Variants in MAGI1 observed in about 807,000 individuals in gnomAD.
MAGI1 encodes the protein membrane-associated guanylate kinase, WW and PDZ domain-containing protein 1.
MAGI1 carries 58 observed loss-of-function variants against 139.9 expected under a neutral mutation model. The observed-to-expected ratio is 0.41, with a 90% CI of 0.34 to 0.52. The LOEUF (loss-of-function observed/expected upper bound fraction) is 0.52, where lower values mean the gene tolerates loss of function less well. Ranked by LOEUF, MAGI1 falls within the 20% of genes least tolerant of loss-of-function variation. The probability of loss-of-function intolerance (pLI) is 0.12; values close to 1 mark genes in which losing one functional copy is unlikely to be tolerated. For missense variants in MAGI1, 1,874 were observed against 1,901.6 expected (o/e 0.99, Z 0.27); for synonymous variants, 812 against 737.9 (o/e 1.10, Z -1.63).
At chr3:65,615,875 T>C (rs1035832566) in intron 2 of MAGI1, among the ~76,000 whole-genome samples, 2 of 152,204 alleles carry the variant, frequency 1.3e-5, no homozygotes. Context: ...GGAAACCACG[T>C]ACAAGCAGTG....
At chr3:65,983,076 TG>T (rs2065673565) in intron 1 of MAGI1, among the ~76,000 whole-genome samples, 1 of 152,150 alleles carries the variant, frequency 6.6e-6, no homozygotes, top group South Asian at 2.1e-4. Context: ...CATGCTGCCA[TG>T]CCCAGGTTAT....
intron 3 of MAGI1, among the ~76,000 whole-genome samples, chr3:65,480,968 C>A (rs952880737): frequency 3.3e-5 from 5 of 152,110 alleles, no homozygotes; most frequent in African/African-American, 9.7e-5. Context: ...TAGAGATACA[C>A]ACCCACTTTC....
At chr3:65,684,138 G>T (rs375358555) in intron 1 of MAGI1, among the ~76,000 whole-genome samples, 7 of 139,712 alleles carry the variant, frequency 5.0e-5, no homozygotes, top group African/African-American at 1.9e-4. Flanking sequence ...CATGCCGCTG[G>T]ATTCCAGCCT....
intron 1 of MAGI1, among the ~76,000 whole-genome samples, chr3:65,823,525 A>G (rs2042057801): frequency 6.6e-6 from 1 of 152,216 alleles, no homozygotes; most frequent in Admixed American, 6.5e-5. Flanking sequence ...ATAAAGCTAT[A>G]TAAAGCCTTC....
At chr3:65,885,139 C>A (rs902744001) in intron 1 of MAGI1, among the ~76,000 whole-genome samples, 2 of 152,144 alleles carry the variant, frequency 1.3e-5, no homozygotes, top group Non-Finnish European at 1.5e-5. Context: ...CAGCTCACAT[C>A]TGTAATCCCA....
At chr3:65,564,949 A>G (rs1403096198) in intron 2 of MAGI1, among the ~76,000 whole-genome samples, 1 of 152,200 alleles carries the variant, frequency 6.6e-6, no homozygotes, top group Non-Finnish European at 1.5e-5. Context: ...CCATCTCCTG[A>G]ATACTCTTAC....
At chr3:65,563,540 A>T (rs1042937079) in intron 2 of MAGI1, among the ~76,000 whole-genome samples, 1 of 152,212 alleles carries the variant, frequency 6.6e-6, no homozygotes, top group Non-Finnish European at 1.5e-5. Flanking sequence ...CCATGCCATG[A>T]GATCCCTCAA....
chr3:65,394,053 T>C (rs1944171602), intron 13 of MAGI1, among the ~76,000 whole-genome samples: 1 of 152,160 alleles, frequency 6.6e-6, no homozygotes, highest in Admixed American at 6.5e-5. Flanking sequence ...TACCTGTACA[T>C]GCATGTGCAG....
At chr3:65,924,230 T>A (rs2062380880) in intron 1 of MAGI1, among the ~76,000 whole-genome samples, 1 of 152,228 alleles carries the variant, frequency 6.6e-6, no homozygotes, top group Non-Finnish European at 1.5e-5. Context: ...GCTGTTTCAC[T>A]GGACTAAAGT....
intron 1 of MAGI1, among the ~76,000 whole-genome samples, chr3:65,791,029 C>T (rs1409519303): frequency 3.9e-5 from 6 of 151,930 alleles, no homozygotes; most frequent in Admixed American, 3.3e-4. Context: ...AAGCCAAGGT[C>T]GCATCACTGC....
intron 1 of MAGI1, among the ~76,000 whole-genome samples, chr3:66,036,696 G>C (rs2107617353): frequency 6.6e-6 from 1 of 152,338 alleles, no homozygotes; most frequent in African/African-American, 2.4e-5. Context: ...GAGAGGACCA[G>C]CTAGGCCCAG....
chr3:65,923,309 T>A (rs1260724042), intron 1 of MAGI1, among the ~76,000 whole-genome samples: 1 of 145,814 alleles, frequency 6.9e-6, no homozygotes, highest in East Asian at 2.1e-4. Flanking sequence ...CACTGCAACC[T>A]CCACCTCCCA....
chr3:65,853,368 G>T (rs1445295269), intron 1 of MAGI1, among the ~76,000 whole-genome samples: 2 of 152,220 alleles, frequency 1.3e-5, no homozygotes, highest in Non-Finnish European at 2.9e-5. Context: ...CATGTTTAAT[G>T]CATTGATAGG....
chr3:65,716,914 A>T (rs2032321976), intron 1 of MAGI1, among the ~76,000 whole-genome samples: 1 of 152,238 alleles, frequency 6.6e-6, no homozygotes, highest in Non-Finnish European at 1.5e-5. Flanking sequence ...AAAGCCAAAA[A>T]GAAAAATATT....
At chr3:66,004,202 T>A (rs1381458237) in intron 1 of MAGI1, among the ~76,000 whole-genome samples, 1 of 152,170 alleles carries the variant, frequency 6.6e-6, no homozygotes, top group East Asian at 1.9e-4. Context: ...CTTTGTGGCA[T>A]AAAACAACCC....
At chr3:65,525,816 A>G (rs1352736749) in intron 2 of MAGI1, among the ~76,000 whole-genome samples, 1 of 152,196 alleles carries the variant, frequency 6.6e-6, no homozygotes, top group African/African-American at 2.4e-5. Context: ...AGGTATCACA[A>G]TTGTACAAGT....
At chr3:65,383,771 C>G in intron 14 of MAGI1, 148 bp from the exon 15 acceptor site, 1 of 669,150 alleles carries the variant, frequency 1.5e-6, no homozygotes, top group South Asian at 1.7e-5. Context: ...ATACTCTGAA[C>G]AGGTGAAATA....
At chr3:65,692,911 T>C (rs1019172751) in intron 1 of MAGI1, among the ~76,000 whole-genome samples, 1 of 152,012 alleles carries the variant, frequency 6.6e-6, no homozygotes, top group African/African-American at 2.4e-5. Context: ...TCCACAATTG[T>C]AAGAAATATT....
chr3:65,948,424 A>G (rs537125609), intron 1 of MAGI1, among the ~76,000 whole-genome samples: 76 of 152,334 alleles, frequency 5.0e-4, no homozygotes, highest in African/African-American at 1.6e-3. Context: ...AATAGCCTAA[A>G]TAAAAAACCC....
Sources: gnomAD v4.1 joint callset for allele counts (sites outside exome capture counted in the v4.1 genomes callset) on GRCh38, gnomAD v4.1.1 for gene constraint, MANE v1.5 for transcripts, NCBI Gene and HGNC (gene_info 2026-07-23, HGNC 2026-07-21) for gene names.